AGPAT3: variants seen among roughly 807,000 people sequenced by gnomAD.
The protein encoded by AGPAT3 is 1-acyl-sn-glycerol-3-phosphate acyltransferase gamma.
Under a neutral mutation model 47.3 loss-of-function variants are expected in AGPAT3, and 5 were observed. The observed-to-expected ratio is 0.11, with a 90% CI of 0.06 to 0.22. AGPAT3 has a LOEUF of 0.22. AGPAT3 is among the 10% of genes least tolerant of loss of function. The pLI, the probability that AGPAT3 is intolerant of heterozygous loss-of-function variation, is 1.00. For missense variants in AGPAT3, 315 were observed against 493.0 expected, an observed-to-expected ratio of 0.64 and a Z score of 3.42; for synonymous variants, 212 against 208.3, an observed-to-expected ratio of 1.02 and a Z score of -0.15.
At chr21:43,915,050 G>T (rs934982458) in intron 2 of AGPAT3, among the ~76,000 whole-genome samples, 4 of 151,612 alleles carry the variant, frequency 2.6e-5, no homozygotes, top group Admixed American at 6.6e-5. Context: ...ATTTTATTTT[G>T]ATGATTATTT....
At chr21:43,871,068 A>G (rs2085614146) in intron 1 of AGPAT3, among the ~76,000 whole-genome samples, 1 of 152,252 alleles carries the variant, frequency 6.6e-6, no homozygotes, top group Admixed American at 6.5e-5. Flanking sequence ...AACAAACTGC[A>G]CACGCCAAAT....
At position 43,922,912 on chromosome 21, in the gene AGPAT3, C is replaced by T. The variant is rs576970258; in HGVS notation, c.-49+18893C>T. On this transcript the variant is annotated intron_variant, in intron 2 of 9. Coordinates refer to ENST00000291572, the MANE Select transcript of AGPAT3 (RefSeq NM_020132.5). The surrounding 1 kb of genome is among the most constrained non-coding windows in gnomAD (Gnocchi z 4.9). ...GCCAGCCTGGGGTCTGGGCATGGGG[C>T]GCCTGTCCCCAGCGGGGCGGGCTCT... Among the ~76,000 whole-genome samples, 7 of 152,314 alleles carry T rather than the reference C, an allele frequency of 4.6e-5. No individual in the cohort carries two copies. Among genetic ancestry groups the T allele is most frequent in the South Asian group, 2.1e-4 (1 of 4,830 alleles).
At chr21:43,947,246 G>C (rs1447394466) in intron 2 of AGPAT3, among the ~76,000 whole-genome samples, 3 of 152,238 alleles carry the variant, frequency 2.0e-5, no homozygotes, top group Admixed American at 6.5e-5. Context: ...ATAACTCTAG[G>C]ACCCTGGTCT....
At chr21:43,896,154 T>G (rs956720312) in intron 1 of AGPAT3, among the ~76,000 whole-genome samples, 3 of 152,248 alleles carry the variant, frequency 2.0e-5, no homozygotes, top group Admixed American at 2.0e-4. Flanking sequence ...TCCACCTGCC[T>G]TGGCTTCCCA....
chr21:43,959,893 G>C, intron 3 of AGPAT3, 34 bp downstream of exon 3: 1 of 1,568,710 alleles, frequency 6.4e-7, no homozygotes, highest in Non-Finnish European at 8.6e-7. Flanking sequence ...CTGCCGCCTG[G>C]GGCTCCCGTG....
At chr21:43,940,721 C>CTT (rs2087625483) in intron 2 of AGPAT3, among the ~76,000 whole-genome samples, 3 of 152,176 alleles carry the variant, frequency 2.0e-5, no homozygotes, top group African/African-American at 7.2e-5. Context: ...TGATCTGCAC[C>CTT]CTGAGCAGAA....
chr21:43,969,421 C>A, intron 5 of AGPAT3, 142 bp downstream of exon 5: 1 of 1,096,096 alleles, frequency 9.1e-7, no homozygotes, highest in African/African-American at 1.6e-5. Flanking sequence ...GGCCATGACT[C>A]CCCCATCTGA....
intron 1 of AGPAT3, among the ~76,000 whole-genome samples, chr21:43,869,830 A>T (rs1160402129): frequency 6.6e-6 from 1 of 152,190 alleles, no homozygotes; most frequent in Non-Finnish European, 1.5e-5. Context: ...TCTCTGGCAG[A>T]GCTCCATGGC....
In AGPAT3 at chr21:43,954,993, G is replaced by A. The variant is rs1372391647; in HGVS notation, c.-48-4641G>A. The A allele has an allele frequency of 2.3e-5, 26 of 1,116,564 alleles. No individual in the cohort carries two copies. Among genetic ancestry groups the A allele is most frequent in the African/African-American group, 3.3e-5 (2 of 60,090 alleles). 69.2% of individuals were successfully genotyped at this position (1,116,564 alleles called of 1,614,324 possible). A position where few individuals can be genotyped will look rare whatever the true frequency, so the allele number is the denominator to read the frequency against. On this transcript the variant is annotated intron_variant, in intron 2 of 9. Coordinates refer to ENST00000291572, the MANE Select transcript of AGPAT3 (RefSeq NM_020132.5). The surrounding 1 kb of genome is among the most constrained non-coding windows in gnomAD (Gnocchi z 4.0). ...AGGACGGTTGATAAAGTGGATTCTC[G>A]AGGGGAAGCTGCATCCACACAGAGG...
In AGPAT3 at chr21:43,983,040, G is replaced by A. The variant is rs1283271800; in HGVS notation, c.*648G>A. The A allele has an allele frequency of 1.3e-5, 2 of 152,422 alleles. No individual in the cohort carries two copies. Among genetic ancestry groups the A allele is most frequent in the African/African-American group, 2.4e-5 (1 of 41,472 alleles). The allele number at this position is 152,422 out of a possible 1,614,324, so 9.4% of individuals were successfully genotyped here. A position where few individuals can be genotyped will look rare whatever the true frequency, so the allele number is the denominator to read the frequency against. The stretch of plus-strand genomic sequence containing the variant: ...ACTTTCTAGAGCCCTGTCTGTCCTA[G>A]CTCCTATCTGACCTTGTGTGTAAAT... On this transcript the variant is annotated 3_prime_UTR_variant, in exon 10 of 10. Coordinates refer to ENST00000291572, the MANE Select transcript of AGPAT3 (RefSeq NM_020132.5).
intron 2 of AGPAT3, among the ~76,000 whole-genome samples, chr21:43,927,885 G>A (rs981308257): frequency 2.6e-5 from 4 of 152,214 alleles, no homozygotes; most frequent in Admixed American, 6.5e-5. Flanking sequence ...GAGGGCGACC[G>A]ACGTGCCTGG....
Position 43,985,843 on chromosome 21 carries a change from C to T in AGPAT3, c.*3451C>T, listed in dbSNP as rs1321677934. On this transcript the variant is annotated 3_prime_UTR_variant, in exon 10 of 10. Coordinates refer to ENST00000291572, the MANE Select transcript of AGPAT3 (RefSeq NM_020132.5). ...CGTGCAATACTAGTGCTCCACGGCG[C>T]GATGTGCTTCTAGCCCTTGCACTGC... is the stretch of plus-strand genomic sequence containing the variant. The T allele has an allele frequency of 8.4e-5, 13 of 154,132 alleles. No homozygotes were observed. The highest frequency in any genetic ancestry group is 1.4e-4 in the Non-Finnish European group (10 of 69,264). 9.5% of individuals were successfully genotyped at this position (154,132 alleles called of 1,614,324 possible).
chr21:43,957,849 TA>T (rs1439262092), intron 2 of AGPAT3, among the ~76,000 whole-genome samples: 3 of 151,676 alleles, frequency 2.0e-5, no homozygotes, highest in Non-Finnish European at 4.4e-5. Context: ...ACGGGGGTTG[TA>T]GGGCCGCTCA....
At chr21:43,943,232 G>T (rs557142826) in intron 2 of AGPAT3, among the ~76,000 whole-genome samples, 1 of 152,080 alleles carries the variant, frequency 6.6e-6, no homozygotes, top group Non-Finnish European at 1.5e-5. Flanking sequence ...CGGCCACCAC[G>T]CCCGGCTAAT....
chr21:43,917,706 C>T (rs769350911), intron 2 of AGPAT3, among the ~76,000 whole-genome samples: 1 of 151,922 alleles, frequency 6.6e-6, no homozygotes, highest in African/African-American at 2.4e-5. Flanking sequence ...TGGGGGTCCG[C>T]ATAACTCGTT....
chr21:43,968,189 A>G (rs561853999), intron 4 of AGPAT3, 74 bp downstream of exon 4: 3 of 624,100 alleles, frequency 4.8e-6, no homozygotes, highest in South Asian at 2.6e-5. Context: ...GCGGGGACCC[A>G]GGGAGGGCCG....
At chr21:43,936,563 C>T (rs528884186) in intron 2 of AGPAT3, among the ~76,000 whole-genome samples, 8 of 152,368 alleles carry the variant, frequency 5.3e-5, no homozygotes, top group African/African-American at 1.9e-4. Flanking sequence ...GGTGGCACGC[C>T]GGTAATGCCT....
At chr21:43,979,586 T>C (rs1388902558) in intron 8 of AGPAT3, among the ~76,000 whole-genome samples, 3 of 152,164 alleles carry the variant, frequency 2.0e-5, no homozygotes, top group Non-Finnish European at 4.4e-5. Flanking sequence ...AAGGTTAAAC[T>C]GGAAAAGAAA....
intron 7 of AGPAT3, among the ~76,000 whole-genome samples, chr21:43,972,022 CT>C (rs1316426314): frequency 2.0e-5 from 3 of 152,234 alleles, no homozygotes; most frequent in Non-Finnish European, 4.4e-5. Context: ...TGCGGAGCCC[CT>C]GGCCTGAAGC....
Sources: allele counts gnomAD v4.1 joint callset (sites outside exome capture counted in the v4.1 genomes callset), GRCh38; gene constraint gnomAD v4.1.1; non-coding constraint Gnocchi (gnomAD v3.1); transcripts MANE v1.5; gene names NCBI Gene and HGNC (gene_info 2026-07-23, HGNC 2026-07-21).